The following SOX6 variants were observed in gnomAD, a reference collection of about 807,000 sequenced individuals.
SOX6 encodes the protein SRY-box transcription factor 6.
A neutral mutation model predicts 97.8 loss-of-function variants in SOX6; 11 were observed. The observed-to-expected ratio is 0.11, with a 90% CI of 0.07 to 0.19. The LOEUF (loss-of-function observed/expected upper bound fraction) is 0.19. Ranked by LOEUF, SOX6 falls within the 10% of genes least tolerant of loss-of-function variation. The pLI is 1.00. For missense variants in SOX6, 810 were observed against 1,039.5 expected (o/e 0.78, Z 3.04); for synonymous variants, 360 against 371.4 (o/e 0.97, Z 0.35).
intron 8 of SOX6, among the ~76,000 whole-genome samples, chr11:16,096,583 T>C (rs932649032): frequency 2.6e-5 from 4 of 151,860 alleles, no homozygotes; most frequent in African/African-American, 9.7e-5. Context: ...ATTGCAGAAA[T>C]TCTTTATTTG....
rs369776454 is a variant in SOX6, at chr11:16,376,468, T to A, written c.-4-35216A>T. On this transcript the variant is annotated intron_variant, in intron 1 of 15. Transcript: ENST00000396356. ...CAATCCTCAAGACATAATCCATGCA[T>A]GTTTGATAGAGTTAGCTATAATTAT... 2.0e-5 allele frequency among the ~76,000 whole-genome samples: 3 copies of A among 152,228 alleles called. No homozygotes were observed. In the East Asian group the frequency reaches 5.8e-4, roughly 29 times the overall value.
At chr11:16,079,347 G>A (rs981466827) in intron 9 of SOX6, among the ~76,000 whole-genome samples, 3 of 152,134 alleles carry the variant, frequency 2.0e-5, no homozygotes, top group Non-Finnish European at 4.4e-5. Flanking sequence ...CAAAAGGAAA[G>A]TATAAGATTA....
intron 4 of SOX6, among the ~76,000 whole-genome samples, chr11:16,602,994 C>T (rs1046246943): frequency 7.3e-5 from 11 of 151,336 alleles, no homozygotes; most frequent in African/African-American, 2.7e-4. Flanking sequence ...GCACTCCAGC[C>T]GGGGCAACAG....
intron 7 of SOX6, among the ~76,000 whole-genome samples, chr11:16,104,031 A>G (rs11023847): frequency 0.013 from 2,049 of 152,104 alleles, 24 homozygotes; most frequent in Non-Finnish European, 0.018. Flanking sequence ...CTCAAAGTTC[A>G]TGCCTTCATG....
intron 4 of SOX6, among the ~76,000 whole-genome samples, chr11:16,488,363 T>TAA (rs144359360): frequency 6.6e-6 from 1 of 151,450 alleles, no homozygotes; most frequent in African/African-American, 2.4e-5. Context: ...CTTTCTAAAA[T>TAA]AAAAAAAAAT....
At chr11:16,478,003 G>A (rs1231207174), upstream of SOX6, among the ~76,000 whole-genome samples, 3 of 152,172 alleles carry the variant, frequency 2.0e-5, no homozygotes, top group African/African-American at 7.2e-5. Context: ...CACCAGACAA[G>A]CCTACCTGGA....
intron 12 of SOX6, among the ~76,000 whole-genome samples, chr11:16,021,833 CCCACTGATCAT>C (rs1012069536): frequency 4.6e-5 from 7 of 152,012 alleles, no homozygotes; most frequent in Non-Finnish European, 1.5e-5. Flanking sequence ...AAGAATGCCA[CCCACTGATCAT>C]CCACAATGTG....
At chr11:15,978,693 T>TCC (rs1853567284) in intron 15 of SOX6, among the ~76,000 whole-genome samples, 1 of 149,030 alleles carries the variant, frequency 6.7e-6, no homozygotes, top group Non-Finnish European at 1.5e-5. Flanking sequence ...CCAATTTATA[T>TCC]CTCCAGTAAG....
At chr11:16,274,145 C>G (rs1854331092) in intron 3 of SOX6, among the ~76,000 whole-genome samples, 2 of 152,020 alleles carry the variant, frequency 1.3e-5, no homozygotes. Flanking sequence ...CTTAATTTTT[C>G]ATAATGTCCC....
At chr11:16,171,461 TA>T (rs1265854772) in intron 6 of SOX6, among the ~76,000 whole-genome samples, 1 of 152,048 alleles carries the variant, frequency 6.6e-6, no homozygotes, top group Non-Finnish European at 1.5e-5. Context: ...GTCTGGTTAT[TA>T]AAAAATGAAA....
rs1481691060 is a variant in SOX6, at chr11:15,971,533, A to G, written c.*1276T>C. 6.5e-6 allele frequency: 1 copy of G among 152,684 alleles called. No homozygotes were observed. Among genetic ancestry groups the G allele is most frequent in the Non-Finnish European group, 1.5e-5 (1 of 68,088 alleles). The allele number at this position is 152,684 out of a possible 1,614,324, so 9.5% of individuals were successfully genotyped here. A position where few individuals can be genotyped will look rare whatever the true frequency, so the allele number is the denominator to read the frequency against. On this transcript the variant is annotated 3_prime_UTR_variant, in exon 16 of 16. Transcript: ENST00000683767. ...ACCACTTGTGAACTGAATTAGGGGAAAATTCTGGCAAAAGACTTGAGGTCA... is the reference window on the plus strand; with the variant it reads ...ACCACTTGTGAACTGAATTAGGGGAGAATTCTGGCAAAAGACTTGAGGTCA...
chr11:16,066,168 A>G (rs1848089048), intron 9 of SOX6, among the ~76,000 whole-genome samples: 1 of 152,228 alleles, frequency 6.6e-6, no homozygotes, highest in Non-Finnish European at 1.5e-5. Flanking sequence ...AAAGTTGCTC[A>G]ACATCACTAG....
At chr11:16,410,886 A>C (rs1340432166) in intron 1 of SOX6, among the ~76,000 whole-genome samples, 1 of 151,864 alleles carries the variant, frequency 6.6e-6, no homozygotes, top group Non-Finnish European at 1.5e-5. Context: ...TTATTGTTTT[A>C]ACATAACTTT....
At chr11:16,424,755 C>A (rs1859091305) in intron 1 of SOX6, among the ~76,000 whole-genome samples, 3 of 152,322 alleles carry the variant, frequency 2.0e-5, no homozygotes, top group East Asian at 3.9e-4. Flanking sequence ...AAGTTACACA[C>A]CTGAACTACC....
intron 2 of SOX6, among the ~76,000 whole-genome samples, chr11:16,333,067 C>T (rs1243388264): frequency 6.6e-6 from 1 of 152,086 alleles, no homozygotes; most frequent in Admixed American, 6.6e-5. Context: ...GCCCTTTCAA[C>T]CTCATCTTCA....
At chr11:16,354,600 G>C (rs1393792201) in intron 1 of SOX6, among the ~76,000 whole-genome samples, 1 of 151,978 alleles carries the variant, frequency 6.6e-6, no homozygotes, top group Non-Finnish European at 1.5e-5. Flanking sequence ...AAGGACAATA[G>C]AGTCCTGAGC....
intron 4 of SOX6, among the ~76,000 whole-genome samples, chr11:16,519,175 T>G (rs1861017856): frequency 6.6e-6 from 1 of 152,180 alleles, no homozygotes; most frequent in African/African-American, 2.4e-5. Context: ...AAATGAACTT[T>G]CATTTTCAGT....
chr11:16,456,578 A>T (rs908638023), intron 1 of SOX6, among the ~76,000 whole-genome samples: 15 of 152,122 alleles, frequency 9.9e-5, no homozygotes, highest in African/African-American at 3.6e-4. Context: ...GTCACTCGAG[A>T]TACCAGGCAG....
intron 3 of SOX6, among the ~76,000 whole-genome samples, chr11:16,636,561 G>A (rs1176595501): frequency 6.6e-6 from 1 of 152,164 alleles, no homozygotes. Context: ...GGGGACTGTT[G>A]GGAAGGCATG....
Sources: allele counts gnomAD v4.1 joint callset (sites outside exome capture counted in the v4.1 genomes callset), GRCh38; gene constraint gnomAD v4.1.1; transcripts MANE v1.5; gene names NCBI Gene and HGNC (gene_info 2026-07-23, HGNC 2026-07-21).